The following GALNT1 variants were observed in gnomAD, a reference collection of about 807,000 sequenced individuals.
GALNT1 encodes polypeptide N-acetylgalactosaminyltransferase 1.
Under a neutral mutation model 65.7 loss-of-function variants are expected in GALNT1, and 17 were observed. The ratio of observed to expected loss-of-function variants is 0.26; its 90% confidence interval spans 0.18 to 0.39. The LOEUF is 0.39. Ranked by LOEUF, GALNT1 falls within the 10% of genes least tolerant of loss-of-function variation. GALNT1 has a pLI of 1.00. For synonymous variants in GALNT1, 210 were observed against 219.7 expected (o/e 0.96, Z 0.39); for missense variants, 460 against 672.8 (o/e 0.68, Z 3.50).
At chr18:35,581,573 T>G (rs2143787298), upstream of GALNT1, among the ~76,000 whole-genome samples, 2 of 520 alleles carry the variant, frequency 3.8e-3, no homozygotes, top group African/African-American at 7.2e-3. Context: ...GAGCCCCAAG[T>G]GAGCGGGCAG....
At chr18:35,630,435 A>G (rs180812380) in intron 1 of GALNT1, among the ~76,000 whole-genome samples, 300 of 152,320 alleles carry the variant, frequency 2.0e-3, no homozygotes, top group Non-Finnish European at 3.2e-3. Flanking sequence ...AAACTGAACA[A>G]TCTGCTTCTG....
intron 1 of GALNT1, among the ~76,000 whole-genome samples, chr18:35,608,706 A>G (rs1377879793): frequency 6.6e-6 from 1 of 152,240 alleles, no homozygotes; most frequent in East Asian, 1.9e-4. Context: ...AGTTTGGCAG[A>G]GGCAACTGAA....
At chr18:35,659,106 C>T (rs2047439452) in intron 2 of GALNT1, among the ~76,000 whole-genome samples, 1 of 152,166 alleles carries the variant, frequency 6.6e-6, no homozygotes, top group African/African-American at 2.4e-5. Context: ...AGCAGTATTA[C>T]ACTCCAGAGT....
intron 1 of GALNT1, among the ~76,000 whole-genome samples, chr18:35,598,739 A>G (rs554521356): frequency 1.3e-4 from 20 of 152,298 alleles, no homozygotes; most frequent in African/African-American, 4.6e-4. Context: ...TCTTTTGGAT[A>G]TATACCCAGC....
chr18:35,649,901 C>A (rs2047286883), intron 1 of GALNT1, among the ~76,000 whole-genome samples: 1 of 152,132 alleles, frequency 6.6e-6, no homozygotes, highest in South Asian at 2.1e-4. Context: ...CTAAGGTTAG[C>A]ACTCACTGGT....
chr18:35,600,640 A>C (rs1300440598), intron 1 of GALNT1, among the ~76,000 whole-genome samples: 1 of 152,070 alleles, frequency 6.6e-6, no homozygotes, highest in Admixed American at 6.6e-5. Context: ...CATTCAGTAC[A>C]ATGTTAGCTG....
chr18:35,624,017 C>T (rs561692299), intron 1 of GALNT1, among the ~76,000 whole-genome samples: 60 of 152,224 alleles, frequency 3.9e-4, no homozygotes, highest in African/African-American at 1.3e-3. Flanking sequence ...CTTCTCTTAA[C>T]GAATATTGAT....
intron 1 of GALNT1, among the ~76,000 whole-genome samples, chr18:35,583,241 G>A (rs2046344417): frequency 6.6e-6 from 1 of 152,204 alleles, no homozygotes; most frequent in East Asian, 1.9e-4. Context: ...CTCAAGTAAT[G>A]CAGAATGTGA....
chr18:35,663,752 A>G lies in GALNT1; in HGVS notation c.264A>G (p.Ala88=), dbSNP rs2047508491. 3.1e-6 allele frequency: 5 copies of G among 1,614,022 alleles called. No homozygotes were observed. The highest frequency in any genetic ancestry group is 3.4e-6 in the Non-Finnish European group (4 of 1,179,920). ...AAATCAATCAGTTCAATTTAATGGC[A>G]AGTGAGATGATTGCACTCAACAGAT... ...MFKINQFNLM[A]SEMIALNRSL... is the part of the protein sequence containing the mutation. Residue 88 remains alanine (A), a synonymous_variant, in exon 3 of 12, where the codon GCA becomes GCG. Transcript: ENST00000269195.
chr18:35,628,049 G>A (rs1317775801), intron 1 of GALNT1, among the ~76,000 whole-genome samples: 1 of 152,228 alleles, frequency 6.6e-6, no homozygotes, highest in Non-Finnish European at 1.5e-5. Flanking sequence ...TGAGGCTTGA[G>A]TAGGTAAACA....
Position 35,710,923 on chromosome 18 carries a change from A to G in GALNT1, c.*1153A>G, listed in dbSNP as rs572930949. On this transcript the variant is annotated 3_prime_UTR_variant, in exon 12 of 12. Coordinates refer to ENST00000269195, the MANE Select transcript of GALNT1 (RefSeq NM_020474.4). ...AGATATGCTTCATTGTCAAATGCAT[A>G]TTTAGATTAGATTATTGAATTGTAA... The G allele has an allele frequency of 1.3e-5, 2 of 152,722 alleles. No homozygotes were observed. Among genetic ancestry groups the G allele is most frequent in the South Asian group, 2.1e-4 (1 of 4,830 alleles). 9.5% of individuals were successfully genotyped at this position (152,722 alleles called of 1,614,324 possible).
At chr18:35,603,792 A>G (rs1477150081) in intron 1 of GALNT1, among the ~76,000 whole-genome samples, 1 of 152,206 alleles carries the variant, frequency 6.6e-6, no homozygotes, top group African/African-American at 2.4e-5. Context: ...ACTAACAGTT[A>G]TGTGAGCCAG....
At position 35,710,654 on chromosome 18, in the gene GALNT1, T is replaced by G. The variant is rs1335101587; in HGVS notation, c.*884T>G. On this transcript the variant is annotated 3_prime_UTR_variant, in exon 12 of 12. Coordinates refer to ENST00000269195, the MANE Select transcript of GALNT1 (RefSeq NM_020474.4). ...CTCTTGGGTCAACTGGCTTACAGAT[T>G]TACATGTGCACACACACACAAATTT... The G allele has an allele frequency of 1.3e-5, 2 of 152,622 alleles. No individual in the cohort carries two copies. The highest frequency in any genetic ancestry group is 4.8e-5 in the African/African-American group (2 of 41,442). The allele number at this position is 152,622 out of a possible 1,614,324, so 9.5% of individuals were successfully genotyped here. A position where few individuals can be genotyped will look rare whatever the true frequency, so the allele number is the denominator to read the frequency against.
chr18:35,689,347 T>TGATTATTCATGTATCTCTA (rs1220556503), intron 7 of GALNT1, 57 bp downstream of exon 7: 6 of 923,110 alleles, frequency 6.5e-6, no homozygotes, highest in Non-Finnish European at 1.0e-5. Flanking sequence ...AGATGTGCAT[T>TGATTATTCATGTATCTCTA]GATTATTCAT....
At chr18:35,614,544 G>C (rs531763137) in intron 1 of GALNT1, among the ~76,000 whole-genome samples, 8 of 152,190 alleles carry the variant, frequency 5.3e-5, no homozygotes, top group African/African-American at 1.9e-4. Context: ...GCGATATAAA[G>C]ATGCCCACTG....
intron 8 of GALNT1, 163 bp downstream of exon 8, chr18:35,691,355 C>T (rs1271491726): frequency 1.4e-5 from 7 of 496,202 alleles, no homozygotes. Flanking sequence ...ATAGAAAGTG[C>T]TTGGCAGAAT....
intron 1 of GALNT1, among the ~76,000 whole-genome samples, chr18:35,619,108 G>A (rs1471111758): frequency 2.0e-5 from 3 of 152,212 alleles, no homozygotes; most frequent in Non-Finnish European, 4.4e-5. Context: ...GTTTTGCAGT[G>A]TGTGGTACCT....
chr18:35,618,035 C>CTTT (rs35456192), intron 1 of GALNT1, among the ~76,000 whole-genome samples: 2 of 138,748 alleles, frequency 1.4e-5, no homozygotes, highest in Admixed American at 7.2e-5. Flanking sequence ...CTTTGCTGTT[C>CTTT]TTTTTTTTTT....
rs560105066 is a variant in GALNT1 at position 35,582,803 on chromosome 18, T to C, written c.-104+941T>C. Among the ~76,000 whole-genome samples, 185 of 152,336 alleles carry C rather than the reference T, an allele frequency of 1.2e-3. 1 individual carries two copies. Among genetic ancestry groups the C allele is most frequent in the African/African-American group, 4.2e-3 (175 of 41,560 alleles). On this transcript the variant is annotated intron_variant, in intron 1 of 11. Transcript: ENST00000269195. Reference sequence around the variant, plus strand: ...CAGGTCACAATCTGAGCAGCAGAGTTGGGATTCAAACCTAGACCTTGTTAG... The same window carrying C: ...CAGGTCACAATCTGAGCAGCAGAGTCGGGATTCAAACCTAGACCTTGTTAG...
Sources: gnomAD v4.1 joint callset for allele counts (sites outside exome capture counted in the v4.1 genomes callset) on GRCh38, gnomAD v4.1.1 for gene constraint, MANE v1.5 for transcripts, NCBI Gene and HGNC (gene_info 2026-07-23, HGNC 2026-07-21) for gene names.